PRR16: variants seen among roughly 807,000 people sequenced by gnomAD.
PRR16 encodes the protein protein Largen.
In PRR16, 6 loss-of-function variants were observed where a neutral mutation model predicts 18.2. That is an observed-to-expected ratio of 0.33 (90% CI 0.18 to 0.65). The LOEUF (loss-of-function observed/expected upper bound fraction) is 0.65, where lower values mean the gene tolerates loss of function less well. PRR16 is among the 30% of genes least tolerant of loss of function. The pLI is 0.74. For synonymous variants in PRR16, 151 were observed against 147.8 expected (o/e 1.02, Z -0.16); for missense variants, 412 against 376.6 (o/e 1.09, Z -0.78).
chr5:120,543,662 A>G (rs1751985481), intron 1 of PRR16, among the ~76,000 whole-genome samples: 1 of 152,236 alleles, frequency 6.6e-6, no homozygotes. Context: ...TGTCCATATT[A>G]CTGATAGATC....
intron 1 of PRR16, among the ~76,000 whole-genome samples, chr5:120,554,881 G>A (rs1752362142): frequency 1.3e-5 from 2 of 151,892 alleles, no homozygotes; most frequent in African/African-American, 4.8e-5. Flanking sequence ...CACAGCAGAA[G>A]CAGCTACAGC....
intron 1 of PRR16, among the ~76,000 whole-genome samples, chr5:120,556,472 G>T (rs1752417097): frequency 6.6e-6 from 1 of 151,620 alleles, no homozygotes; most frequent in African/African-American, 2.4e-5. Context: ...ATACATCTCT[G>T]GGACTGACTT....
At chr5:120,499,267 G>T (rs1056188565) in intron 1 of PRR16, among the ~76,000 whole-genome samples, 2 of 151,736 alleles carry the variant, frequency 1.3e-5, no homozygotes, top group African/African-American at 4.8e-5. Context: ...GCACCACCAC[G>T]CCTGGCTAAT....
chr5:120,516,083 GA>G (rs1263796048), intron 1 of PRR16, among the ~76,000 whole-genome samples: 1 of 152,018 alleles, frequency 6.6e-6, no homozygotes, highest in African/African-American at 2.4e-5. Flanking sequence ...TGCAGTTCAA[GA>G]CTGAAAATTT....
the PRR16 span, among the ~76,000 whole-genome samples, chr5:120,734,355 G>A: frequency 6.6e-6 from 1 of 152,182 alleles, no homozygotes; most frequent in Non-Finnish European, 1.5e-5. Context: ...GTGTGTATGT[G>A]TGTGTGTAAG....
At chr5:120,628,695 CATCT>C (rs10590670) in intron 1 of PRR16, among the ~76,000 whole-genome samples, 43,672 of 144,300 alleles carry the variant, frequency 0.3, 6,762 homozygotes, top group Middle Eastern at 0.35. Flanking sequence ...ATCATTCTAC[CATCT>C]ATCTATCTAT....
chr5:120,761,009 C>T, the PRR16 span, among the ~76,000 whole-genome samples: 4 of 152,002 alleles, frequency 2.6e-5, no homozygotes, highest in African/African-American at 9.7e-5. Flanking sequence ...AACCAGGTCA[C>T]ATTTTCTAAA....
At chr5:120,473,084 C>G (rs1330892343) in intron 1 of PRR16, among the ~76,000 whole-genome samples, 1 of 152,064 alleles carries the variant, frequency 6.6e-6, no homozygotes, top group Non-Finnish European at 1.5e-5. Flanking sequence ...GTAAAAGATG[C>G]ATATATGAAT....
At chr5:120,715,053 C>T in the PRR16 span, among the ~76,000 whole-genome samples, 2 of 151,552 alleles carry the variant, frequency 1.3e-5, no homozygotes, top group Non-Finnish European at 2.9e-5. Flanking sequence ...CACCATGGCA[C>T]ACGTATATCT....
At position 120,581,778 on chromosome 5, in the gene PRR16, G is replaced by A. The variant is rs191775568; in HGVS notation, c.160-104176G>A. The stretch of plus-strand genomic sequence containing the variant: ...CTACCTTAATTTTATTATTTACCCA[G>A]GAGTCATTCAAGAGCATGTTGTTCA... On this transcript the variant is annotated intron_variant, in intron 1 of 1. Transcript: ENST00000407149. Among the ~76,000 whole-genome samples, 1,236 of 152,188 alleles carry A rather than the reference G, an allele frequency of 8.1e-3. 24 individuals are homozygous for A. Among genetic ancestry groups the A allele is most frequent in the African/African-American group, 0.028 (1,146 of 41,520 alleles).
the PRR16 span, among the ~76,000 whole-genome samples, chr5:120,784,553 T>TA: frequency 6.6e-6 from 1 of 152,040 alleles, no homozygotes; most frequent in African/African-American, 2.4e-5. Flanking sequence ...CAATAATCTA[T>TA]AAGGAACTCA....
At chr5:120,749,366 T>C in the PRR16 span, among the ~76,000 whole-genome samples, 1 of 152,134 alleles carries the variant, frequency 6.6e-6, no homozygotes, top group Non-Finnish European at 1.5e-5. Context: ...TTTGAATAAT[T>C]ATGTCACATA....
chr5:120,707,649 C>T, the PRR16 span, among the ~76,000 whole-genome samples: 2 of 152,122 alleles, frequency 1.3e-5, no homozygotes, highest in African/African-American at 4.8e-5. Flanking sequence ...ATATTTATGA[C>T]ATAGCTCTAG....
At chr5:120,783,665 A>G in the PRR16 span, among the ~76,000 whole-genome samples, 3 of 152,200 alleles carry the variant, frequency 2.0e-5, no homozygotes, top group Non-Finnish European at 4.4e-5. Flanking sequence ...TTATGCTCAA[A>G]TTAGGGTATC....
chr5:120,527,248 A>G (rs868659467), intron 1 of PRR16, among the ~76,000 whole-genome samples: 8 of 152,242 alleles, frequency 5.3e-5, no homozygotes, highest in Non-Finnish European at 7.3e-5. Context: ...AATTGAGTCC[A>G]ACTTTTTGTA....
chr5:120,602,094 T>C (rs1737093773), intron 1 of PRR16, among the ~76,000 whole-genome samples: 1 of 152,078 alleles, frequency 6.6e-6, no homozygotes, highest in Admixed American at 6.6e-5. Flanking sequence ...TTACTAATTC[T>C]GTGAAAAATG....
intron 1 of PRR16, among the ~76,000 whole-genome samples, chr5:120,522,841 C>T (rs527471527): frequency 1.3e-5 from 2 of 152,244 alleles, no homozygotes; most frequent in South Asian, 4.2e-4. Context: ...TGGTCTCGAT[C>T]TCCTGACCTC....
At chr5:120,646,789 T>C (rs1406236750) in intron 1 of PRR16, among the ~76,000 whole-genome samples, 1 of 151,850 alleles carries the variant, frequency 6.6e-6, no homozygotes, top group East Asian at 1.9e-4. Flanking sequence ...TATCTAACAA[T>C]GTTACAGGTG....
At chr5:120,650,967 C>A (rs1215141407) in intron 1 of PRR16, among the ~76,000 whole-genome samples, 2 of 152,152 alleles carry the variant, frequency 1.3e-5, no homozygotes, top group African/African-American at 4.8e-5. Context: ...GTTCCTATTT[C>A]TCCACATCCT....
Sources: allele counts gnomAD v4.1 joint callset (sites outside exome capture counted in the v4.1 genomes callset), GRCh38; gene constraint gnomAD v4.1.1; transcripts MANE v1.5; gene names NCBI Gene and HGNC (gene_info 2026-07-23, HGNC 2026-07-21).